The following ARHGAP25 variants were observed in gnomAD, a reference collection of about 807,000 sequenced individuals.
The protein encoded by ARHGAP25 is rho GTPase-activating protein 25.
In ARHGAP25, 34 loss-of-function variants were observed where a neutral mutation model predicts 71.0. The ratio of observed to expected loss-of-function variants is 0.48; its 90% CI spans 0.36 to 0.64. ARHGAP25 has a LOEUF of 0.64. ARHGAP25 is among the 30% of genes least tolerant of loss of function. The probability of loss-of-function intolerance (pLI) is 0.00; values close to 1 mark genes in which losing one functional copy is unlikely to be tolerated. For synonymous variants in ARHGAP25, 282 were observed against 296.5 expected (o/e 0.95, Z 0.50); for missense variants, 706 against 805.1 (o/e 0.88, Z 1.49).
intron 1 of ARHGAP25, among the ~76,000 whole-genome samples, chr2:68,738,822 A>AG (rs1186344615): frequency 7.0e-6 from 1 of 142,218 alleles, no homozygotes; most frequent in Non-Finnish European, 1.6e-5. Context: ...CTCTGTCTCA[A>AG]GAAAAAAAAA....
chr2:68,746,862 G>C (rs1298600111), intron 1 of ARHGAP25, among the ~76,000 whole-genome samples: 2 of 152,076 alleles, frequency 1.3e-5, no homozygotes, highest in East Asian at 3.9e-4. Flanking sequence ...CAAAAAATTA[G>C]CTGGGTGTAG....
At chr2:68,711,744 C>A (rs1253667008) in intron 2 of ARHGAP25, among the ~76,000 whole-genome samples, 1 of 151,392 alleles carries the variant, frequency 6.6e-6, no homozygotes. Context: ...GTTCAACTCC[C>A]ATTTATGAGC....
upstream of ARHGAP25, among the ~76,000 whole-genome samples, chr2:68,731,955 C>T (rs896270802): frequency 2.0e-5 from 3 of 152,202 alleles, no homozygotes; most frequent in Non-Finnish European, 2.9e-5. Context: ...GCAGAAAACA[C>T]GTCTGCTTGT....
At chr2:68,757,818 A>G (rs2104333681) in intron 1 of ARHGAP25, 1 of 152,238 alleles carries the variant, frequency 6.6e-6, no homozygotes, top group East Asian at 1.9e-4. Context: ...TTAAGGGGCA[A>G]TCATTTTAAA....
At chr2:68,758,519 CATT>C (rs1272813781) in intron 1 of ARHGAP25, among the ~76,000 whole-genome samples, 1 of 151,752 alleles carries the variant, frequency 6.6e-6, no homozygotes. Context: ...CAAAGAAAAA[CATT>C]ATACATTAAT....
In ARHGAP25 at chr2:68,826,819, A is replaced by C. The variant is rs894992895; in HGVS notation, c.*625A>C. ...AGAAAATTATATTCAAATAAAGCAAAAATTAAAAAAAAAAGGCTATTGCTA... is the reference window on the plus strand; with the variant it reads ...AGAAAATTATATTCAAATAAAGCAACAATTAAAAAAAAAAGGCTATTGCTA... On this transcript the variant is annotated 3_prime_UTR_variant, in exon 11 of 11. Coordinates refer to ENST00000409202, the MANE Select transcript of ARHGAP25 (RefSeq NM_001007231.3). 3 of 153,900 alleles carry C rather than the reference A, an allele frequency of 1.9e-5. No individual in the cohort carries two copies. The highest frequency in any genetic ancestry group is 7.4e-5 in the African/African-American group (3 of 40,714). 9.5% of individuals were successfully genotyped at this position (153,900 alleles called of 1,614,324 possible).
At chr2:68,775,639 G>T (rs1274840305) in intron 2 of ARHGAP25, 2 of 728,292 alleles carry the variant, frequency 2.7e-6, no homozygotes, top group Admixed American at 4.1e-5. Context: ...GGGCACTGTG[G>T]AGTTTCCTAC....
intron 5 of ARHGAP25, among the ~76,000 whole-genome samples, chr2:68,810,026 AGGGAAGGGCT>A (rs1237128172): frequency 1.3e-5 from 2 of 151,844 alleles, no homozygotes; most frequent in African/African-American, 4.8e-5. Context: ...CAATGCCCCC[AGGGAAGGGCT>A]GGCAGAACCA....
At chr2:68,763,933 A>G (rs909746851) in intron 1 of ARHGAP25, among the ~76,000 whole-genome samples, 2 of 152,172 alleles carry the variant, frequency 1.3e-5, no homozygotes, top group Admixed American at 6.5e-5. Context: ...ATACAATTCA[A>G]TGATTTTTAG....
rs1053023397 is a variant in ARHGAP25, at chr2:68,767,403, C to T, written c.62-7818C>T. Among the ~76,000 whole-genome samples the T allele has an allele frequency of 1.3e-5, 2 of 151,752 alleles. No individual in the cohort carries two copies. The highest frequency in any genetic ancestry group is 2.9e-5 in the Non-Finnish European group (2 of 67,938). On this transcript the variant is annotated intron_variant, in intron 1 of 10. Transcript: ENST00000409202. The surrounding 1 kb of genome is among the most constrained non-coding windows in gnomAD (Gnocchi z 4.6). ...TCTGATAACAGGATAGGTGGGGGGT[C>T]TGCATGTATGTATGTGTGAATGTGG...
intron 2 of ARHGAP25, among the ~76,000 whole-genome samples, chr2:68,712,157 C>T (rs1460441479): frequency 2.0e-5 from 3 of 152,170 alleles, no homozygotes; most frequent in Non-Finnish European, 2.9e-5. Context: ...CCTATTTCTC[C>T]ACATCCTCTC....
chr2:68,777,874 C>T (rs1162055421), intron 2 of ARHGAP25, among the ~76,000 whole-genome samples: 1 of 151,972 alleles, frequency 6.6e-6, no homozygotes, highest in Admixed American at 6.6e-5. Context: ...CACCTATATC[C>T]CCTCCACTTT....
chr2:68,716,156 G>T (rs1012774272), intron 2 of ARHGAP25, among the ~76,000 whole-genome samples: 1 of 152,118 alleles, frequency 6.6e-6, no homozygotes, highest in African/African-American at 2.4e-5. Flanking sequence ...TCCTGTGCCC[G>T]CCATTCTTCC....
rs114607278 is a variant in ARHGAP25 at position 68,782,407 on chromosome 2, G to A, written c.349+87G>A. The A allele has an allele frequency of 7.3e-4, 911 of 1,251,704 alleles. 4 individuals are homozygous for A. In the African/African-American group the frequency reaches 0.012, roughly 16 times the overall value. 77.5% of individuals were successfully genotyped at this position (1,251,704 alleles called of 1,614,324 possible). ...GACCCTAGAAGTCAAAGCTATATTC[G>A]GAGAGTAATTCAACTAACTAACCAA... On this transcript the variant is annotated intron_variant, in intron 3 of 10. Coordinates refer to ENST00000409202, the MANE Select transcript of ARHGAP25 (RefSeq NM_001007231.3).
At chr2:68,815,992 T>A (rs561032345) in intron 6 of ARHGAP25, among the ~76,000 whole-genome samples, 27 of 152,332 alleles carry the variant, frequency 1.8e-4, no homozygotes, top group African/African-American at 6.5e-4. Context: ...AATTAACGTA[T>A]GAGTTGTTAA....
intron 1 of ARHGAP25, among the ~76,000 whole-genome samples, chr2:68,737,592 C>G (rs1675287874): frequency 6.6e-6 from 1 of 152,140 alleles, no homozygotes; most frequent in South Asian, 2.1e-4. Flanking sequence ...GTAATATCTT[C>G]TCTAATTGAG....
chr2:68,719,039 A>T (rs1674688457), intron 2 of ARHGAP25, among the ~76,000 whole-genome samples: 1 of 152,130 alleles, frequency 6.6e-6, no homozygotes, highest in South Asian at 2.1e-4. Context: ...TGGTAAACAC[A>T]TCCATGTACC....
In ARHGAP25 at chr2:68,814,809, C is replaced by T. The variant is rs1478760055; in HGVS notation, c.807+1390C>T. On this transcript the variant is annotated intron_variant, in intron 6 of 10. Transcript: ENST00000409202. ...ATTAAGAAAGGAAGAGAACATGATA[C>T]AGGTTTTGTAGCTCTTTTCCAAACA... Among the ~76,000 whole-genome samples the T allele has an allele frequency of 5.3e-5, 8 of 152,226 alleles. No individual in the cohort carries two copies. In the East Asian group the frequency reaches 1.4e-3, roughly 26 times the overall value.
At chr2:68,739,481 A>C (rs75547566) in intron 1 of ARHGAP25, among the ~76,000 whole-genome samples, 1 of 152,086 alleles carries the variant, frequency 6.6e-6, no homozygotes. Flanking sequence ...AAGGCCCACT[A>C]TGGGGGTGTT....
Sources: allele counts gnomAD v4.1 joint callset (sites outside exome capture counted in the v4.1 genomes callset), GRCh38; gene constraint gnomAD v4.1.1; non-coding constraint Gnocchi (gnomAD v3.1); transcripts MANE v1.5; gene names NCBI Gene and HGNC (gene_info 2026-07-23, HGNC 2026-07-21).